RPL14: variants seen among roughly 807,000 people sequenced by gnomAD.
RPL14 encodes the protein large ribosomal subunit protein eL14.
Under a neutral mutation model 25.3 loss-of-function variants are expected in RPL14, and 4 were observed. The observed-to-expected ratio is 0.16, with a 90% CI of 0.08 to 0.36. The LOEUF (loss-of-function observed/expected upper bound fraction) is 0.36. Among genes scored for constraint, RPL14 ranks in the 10% least tolerant of loss-of-function variants. The pLI, the probability that RPL14 is intolerant of heterozygous loss-of-function variation, is 1.00. For missense variants in RPL14, 212 were observed against 261.9 expected (o/e 0.81, Z 1.31); for synonymous variants, 75 against 89.8 (o/e 0.84, Z 0.93).
chr3:40,459,994 C>T (rs1696911111), intron 3 of RPL14, among the ~76,000 whole-genome samples: 1 of 151,906 alleles, frequency 6.6e-6, no homozygotes, highest in Non-Finnish European at 1.5e-5. Flanking sequence ...TGAACATAGC[C>T]ATGCTGCTAC....
intron 3 of RPL14, among the ~76,000 whole-genome samples, chr3:40,460,654 C>T (rs1696923838): frequency 6.6e-6 from 1 of 150,652 alleles, no homozygotes; most frequent in Non-Finnish European, 1.5e-5. Context: ...CACTTTGTCA[C>T]CCAGGCTAGA....
chr3:40,457,393 C>T lies in RPL14; in HGVS notation c.-79C>T, dbSNP rs186560362. 1.6e-4 allele frequency: 262 copies of T among 1,601,926 alleles called. 1 individual carries two copies. The African/African-American group carries it at 3.2e-3, about 19-fold the overall frequency. ...GTCTTACTGTTGCGGGCTCCGGGGCCGTCGACCATGCCGCTCGACCTCCAC... is the reference window on the plus strand; with the variant it reads ...GTCTTACTGTTGCGGGCTCCGGGGCTGTCGACCATGCCGCTCGACCTCCAC... On this transcript the variant is annotated 5_prime_UTR_variant, in exon 1 of 6. Transcript: ENST00000396203.
intron 3 of RPL14, among the ~76,000 whole-genome samples, chr3:40,461,109 T>C (rs1696929953): frequency 6.6e-6 from 1 of 151,816 alleles, no homozygotes; most frequent in Admixed American, 6.6e-5. Context: ...GGCAGGAGGA[T>C]GGCTTGAGCC....
rs532281435 is a variant in RPL14 at position 40,461,603 on chromosome 3, A to G, written c.301-5A>G. 1.1e-5 allele frequency: 18 copies of G among 1,598,244 alleles called. No individual in the cohort carries two copies. Among genetic ancestry groups the G allele is most frequent in the Middle Eastern group, 1.7e-4 (1 of 5,984 alleles). ...AATTTTTATTTGTTGTTTTTTTTTT[A>G]ACAGAAAGCCAAGATGACAGATTTT... On this transcript the variant is annotated splice_polypyrimidine_tract_variant and splice_region_variant and intron_variant, in intron 4 of 5. Transcript: ENST00000396203.
rs1359288034 is a variant in RPL14 at position 40,465,161 on chromosome 3, C to CA, written c.*2931dup. On this transcript the variant is annotated 3_prime_UTR_variant, in exon 6 of 6. Transcript: ENST00000396203. ...TGATTCCCCAGGGGTAGGATGACAA[C>CA]AATCAAGAGACGAATAGAGGTTGGA... 6.6e-6 allele frequency: 1 copy of CA among 151,240 alleles called. No homozygotes were observed. Among genetic ancestry groups the CA allele is most frequent in the Non-Finnish European group, 1.5e-5 (1 of 67,824 alleles). The allele number at this position is 151,240 out of a possible 1,614,324, so 9.4% of individuals were successfully genotyped here. A position where few individuals can be genotyped will look rare whatever the true frequency, so the allele number is the denominator to read the frequency against.
At chr3:40,461,261 C>T (rs773548638) in intron 3 of RPL14, 146 bp from the exon 4 acceptor site, 12 of 645,356 alleles carry the variant, frequency 1.9e-5, no homozygotes, top group Admixed American at 2.8e-5. Flanking sequence ...CCTATTCTGG[C>T]TTACTGAACA....
At chr3:40,459,655 A>C (rs573588625) in intron 3 of RPL14, among the ~76,000 whole-genome samples, 17 of 152,142 alleles carry the variant, frequency 1.1e-4, no homozygotes, top group Admixed American at 4.6e-4. Flanking sequence ...GGAGATGGAG[A>C]CCGTCCTGGC....
chr3:40,460,590 G>T (rs1158073206), intron 3 of RPL14, among the ~76,000 whole-genome samples: 2 of 143,956 alleles, frequency 1.4e-5, no homozygotes, highest in Non-Finnish European at 3.0e-5. Flanking sequence ...ATAGTCAGAG[G>T]TGGGTTTTTT....
chr3:40,460,086 T>G (rs977357855), intron 3 of RPL14, among the ~76,000 whole-genome samples: 4 of 152,232 alleles, frequency 2.6e-5, no homozygotes, highest in African/African-American at 9.6e-5. Context: ...GTAACTTAGA[T>G]TTTTCACTAG....
chr3:40,458,575 C>A, intron 2 of RPL14, 67 bp from the exon 3 acceptor site: 1 of 1,236,596 alleles, frequency 8.1e-7, no homozygotes, highest in Non-Finnish European at 1.2e-6. Context: ...AGTAATGTTA[C>A]AGAACCATCT....
At position 40,458,629 on chromosome 3, in the gene RPL14, G is replaced by A. The variant is rs571668108; in HGVS notation, c.106-13G>A. 1.2e-6 allele frequency: 2 copies of A among 1,612,082 alleles called. No homozygotes were observed. The highest frequency in any genetic ancestry group is 2.2e-5 in the South Asian group (2 of 90,984). On this transcript the variant is annotated splice_polypyrimidine_tract_variant and intron_variant, in intron 2 of 5. Coordinates refer to ENST00000396203, the MANE Select transcript of RPL14 (RefSeq NM_001034996.3). The stretch of plus-strand genomic sequence containing the variant: ...TAGATTTTGCACTGAAGTTCTTGAT[G>A]TTTGTGTTCTAGGCTTTGGTCGATG...
At position 40,463,580 on chromosome 3, in the gene RPL14, T is replaced by G. The variant is rs1321672088; in HGVS notation, c.*1348T>G. On this transcript the variant is annotated 3_prime_UTR_variant, in exon 6 of 6. Coordinates refer to ENST00000396203, the MANE Select transcript of RPL14 (RefSeq NM_001034996.3). ...AATTGCAGGTTGAGCATATTTCTAA[T>G]CCAAAAAGCTCTAACCTCTGAAACT... 3 of 152,104 alleles carry G rather than the reference T, an allele frequency of 2.0e-5. No individual in the cohort carries two copies. Among genetic ancestry groups the G allele is most frequent in the Non-Finnish European group, 4.4e-5 (3 of 68,030 alleles). The allele number at this position is 152,104 out of a possible 1,614,324, so 9.4% of individuals were successfully genotyped here.
At position 40,463,168 on chromosome 3, in the gene RPL14, C is replaced by A. The variant is rs1461410906; in HGVS notation, c.*936C>A. 1.3e-5 allele frequency: 2 copies of A among 152,016 alleles called. No homozygotes were observed. Among genetic ancestry groups the A allele is most frequent in the African/African-American group, 4.8e-5 (2 of 41,346 alleles). 9.4% of individuals were successfully genotyped at this position (152,016 alleles called of 1,614,324 possible). On this transcript the variant is annotated 3_prime_UTR_variant, in exon 6 of 6. Transcript: ENST00000396203. ...CTCGTGATCCGCCTGTCTCGGCCTC[C>A]CAGAGCGGGGGATTATAGGCATGGG... is the stretch of plus-strand genomic sequence containing the variant.
chr3:40,465,814 C>T lies in RPL14; in HGVS notation c.*3582C>T, dbSNP rs554913822. ...AACAGTGGAAATTGGAAATTCCAAT[C>T]TTGGAATCTCTAGGAAAGTAACTGA... is the stretch of plus-strand genomic sequence containing the variant. On this transcript the variant is annotated 3_prime_UTR_variant, in exon 6 of 6. Transcript: ENST00000396203. 3.9e-5 allele frequency: 6 copies of T among 152,224 alleles called. No homozygotes were observed. Among genetic ancestry groups the T allele is most frequent in the Middle Eastern group, 3.4e-3 (1 of 294 alleles). 9.4% of individuals were successfully genotyped at this position (152,224 alleles called of 1,614,324 possible).
In RPL14 at chr3:40,465,610, G is replaced by A. The variant is rs1306689333; in HGVS notation, c.*3378G>A. 6.6e-6 allele frequency: 1 copy of A among 152,218 alleles called. No individual in the cohort carries two copies. The highest frequency in any genetic ancestry group is 1.9e-4 in the East Asian group (1 of 5,198). The allele number at this position is 152,218 out of a possible 1,614,324, so 9.4% of individuals were successfully genotyped here. A position where few individuals can be genotyped will look rare whatever the true frequency, so the allele number is the denominator to read the frequency against. On this transcript the variant is annotated 3_prime_UTR_variant, in exon 6 of 6. Coordinates refer to ENST00000396203, the MANE Select transcript of RPL14 (RefSeq NM_001034996.3). ...TACACTGAGAAGGAGGGATGAGGCA[G>A]TGTAGATTTGCAGACATACAGGTTG...
chr3:40,458,817 CGGAA>C (rs2125624566), intron 3 of RPL14, 81 bp downstream of exon 3: 1 of 1,071,378 alleles, frequency 9.3e-7, no homozygotes, highest in East Asian at 2.4e-5. Context: ...GTAAACAATA[CGGAA>C]GATTCAGAGC....
In RPL14 at chr3:40,463,588, G is replaced by C. The variant is rs1217101861; in HGVS notation, c.*1356G>C. ...GTTGAGCATATTTCTAATCCAAAAAGCTCTAACCTCTGAAACTGAGCTATG... is the reference window on the plus strand; with the variant it reads ...GTTGAGCATATTTCTAATCCAAAAACCTCTAACCTCTGAAACTGAGCTATG... On this transcript the variant is annotated 3_prime_UTR_variant, in exon 6 of 6. Transcript: ENST00000396203. The C allele has an allele frequency of 2.6e-5, 4 of 152,172 alleles. No individual in the cohort carries two copies. The highest frequency in any genetic ancestry group is 2.6e-4 in the Admixed American group (4 of 15,266). 9.4% of individuals were successfully genotyped at this position (152,172 alleles called of 1,614,324 possible).
In RPL14 at chr3:40,462,528, C is replaced by T. The variant is rs1326107959; in HGVS notation, c.*296C>T. The T allele has an allele frequency of 8.5e-6, 2 of 234,196 alleles. No individual in the cohort carries two copies. Among genetic ancestry groups the T allele is most frequent in the Non-Finnish European group, 1.6e-5 (2 of 121,498 alleles). 14.5% of individuals were successfully genotyped at this position (234,196 alleles called of 1,614,324 possible). ...AGCAGCTGGGACTACAGGTGCCCGC[C>T]ACCGCGCCTGGCTAATTTTTTGTAT... is the stretch of plus-strand genomic sequence containing the variant. On this transcript the variant is annotated 3_prime_UTR_variant, in exon 6 of 6. Transcript: ENST00000396203.
At position 40,462,129 on chromosome 3, in the gene RPL14, A is replaced by C. The variant is rs1327690243; in HGVS notation, c.545A>C (p.Lys182Thr). ...CCAGCCCAGAAGGTTCCTGCCCAGA[A>C]AGCCACAGGCCAGAAAGCAGCGCCT... ...KAPAQKVPAQKATGQKAAPAP... is the reference protein window; with the variant it reads ...KAPAQKVPAQTATGQKAAPAP... Residue 182 changes from lysine to threonine, a missense_variant, in exon 6 of 6, where the codon AAA becomes ACA. Around this residue, in one of 3 missense-constraint regions of RPL14, gnomAD observed 66 missense variants for 62.6 expected, o/e 1.05. Coordinates refer to ENST00000396203, the MANE Select transcript of RPL14 (RefSeq NM_001034996.3). 16 of 1,612,262 alleles carry C rather than the reference A, an allele frequency of 9.9e-6. No individual in the cohort carries two copies. Among genetic ancestry groups the C allele is most frequent in the Admixed American group, 1.7e-5 (1 of 59,676 alleles).
Sources: allele counts gnomAD v4.1 joint callset (sites outside exome capture counted in the v4.1 genomes callset), GRCh38; gene constraint gnomAD v4.1.1; regional missense constraint gnomAD v4.1.1; transcripts MANE v1.5; gene names NCBI Gene and HGNC (gene_info 2026-07-23, HGNC 2026-07-21).